The following CDKL3 variants were observed in gnomAD, a reference collection of about 807,000 sequenced individuals.
CDKL3 encodes cyclin dependent kinase like 3.
Under a neutral mutation model 69.3 loss-of-function variants are expected in CDKL3, and 65 were observed. That is an observed-to-expected ratio of 0.94 (90% CI 0.77 to 1.15). CDKL3 has a LOEUF of 1.15. Among genes scored for constraint, CDKL3 ranks in the 50% most tolerant of loss-of-function variants. The pLI, the probability that CDKL3 is intolerant of heterozygous loss-of-function variation, is 0.00. For missense variants in CDKL3, 652 were observed against 689.2 expected (o/e 0.95, Z 0.61); for synonymous variants, 202 against 221.6 (o/e 0.91, Z 0.79).
chr5:134,364,804 C>A (rs904303989), intron 2 of CDKL3, among the ~76,000 whole-genome samples: 1 of 147,700 alleles, frequency 6.8e-6, no homozygotes, highest in African/African-American at 2.5e-5. Context: ...TGAGCCACAG[C>A]GCCCTTTTTT....
downstream of CDKL3, among the ~76,000 whole-genome samples, chr5:134,296,952 CT>C (rs111349325): frequency 0.019 from 2,529 of 131,228 alleles, 11 homozygotes; most frequent in East Asian, 0.038. Flanking sequence ...CTTTTCTTTT[CT>C]TTTTTTTTTT....
intron 4 of CDKL3, among the ~76,000 whole-genome samples, chr5:134,335,817 A>C (rs1776961986): frequency 6.6e-6 from 1 of 152,036 alleles, no homozygotes; most frequent in Admixed American, 6.6e-5. Context: ...TGCTCTTCTC[A>C]AGGAGTATCT....
At chr5:134,348,596 A>G (rs997015320) in intron 4 of CDKL3, among the ~76,000 whole-genome samples, 1 of 152,090 alleles carries the variant, frequency 6.6e-6, no homozygotes, top group Non-Finnish European at 1.5e-5. Flanking sequence ...AAAGAGCTAG[A>G]GAAAGAACTA....
At chr5:134,330,841 C>A (rs1296205148) in intron 4 of CDKL3, among the ~76,000 whole-genome samples, 1 of 152,014 alleles carries the variant, frequency 6.6e-6, no homozygotes, top group African/African-American at 2.4e-5. Flanking sequence ...CCAAAAAAAC[C>A]ATTGCCATGA....
Position 134,308,697 on chromosome 5 carries a change from C to T in CDKL3, c.912G>A (p.Leu304=). 6.2e-7 allele frequency: 1 copy of T among 1,600,040 alleles called. No individual in the cohort carries two copies. Among genetic ancestry groups the T allele is most frequent in the African/African-American group, 1.3e-5 (1 of 74,140 alleles). The change falls in exon 8 of 13, where the codon CTG becomes CTA. Residue 304 remains leucine, a synonymous_variant. Coordinates refer to ENST00000265334, the MANE Select transcript of CDKL3 (RefSeq NM_001113575.2). ...TTAATGAATTGACTTTTGCTTCCTG[C>T]AGTAATTTAGCTTTCAGTTCTGGCA... ...KFMPELKAKL[L]QEAKVNSLIK...
At chr5:134,296,452 G>A (rs1765353685), downstream of CDKL3, among the ~76,000 whole-genome samples, 3 of 152,008 alleles carry the variant, frequency 2.0e-5, 1 homozygote, top group Non-Finnish European at 4.4e-5. Flanking sequence ...TTTATGAGAG[G>A]AACAGAGCAC....
At chr5:134,338,550 G>T (rs1457913436) in intron 4 of CDKL3, among the ~76,000 whole-genome samples, 1 of 151,542 alleles carries the variant, frequency 6.6e-6, no homozygotes, top group Non-Finnish European at 1.5e-5. Context: ...ACAAAAATTA[G>T]CCAGGCTTGG....
intron 8 of CDKL3, among the ~76,000 whole-genome samples, chr5:134,287,157 G>A (rs182802871): frequency 1.1e-4 from 16 of 152,222 alleles, no homozygotes; most frequent in South Asian, 6.2e-4. Flanking sequence ...AAAAGAAGGC[G>A]CGCTTTGAGG....
At chr5:134,322,110 T>A (rs1772950941) in intron 4 of CDKL3, among the ~76,000 whole-genome samples, 1 of 152,024 alleles carries the variant, frequency 6.6e-6, no homozygotes, top group African/African-American at 2.4e-5. Flanking sequence ...AACCTCCGGG[T>A]TCAAGCAATT....
chr5:134,307,867 A>G (rs1410773078), intron 9 of CDKL3: 1 of 374,486 alleles, frequency 2.7e-6, no homozygotes, highest in African/African-American at 2.1e-5. Flanking sequence ...TTTCTCTTCA[A>G]AAATAAAAAC....
At position 134,326,827 on chromosome 5, in the gene CDKL3, A is replaced by ATG. The variant is rs778337033; in HGVS notation, c.540-4925_540-4924insCA. Among the ~76,000 whole-genome samples, 127 of 103,082 alleles carry ATG rather than the reference A, an allele frequency of 1.2e-3. 6 individuals are homozygous for ATG. Among genetic ancestry groups the ATG allele is most frequent in the South Asian group, 7.1e-3 (24 of 3,402 alleles). The allele number at this position is 103,082 out of a possible 152,430, so 67.6% of individuals were successfully genotyped here. ...TATATATATGTGTGTGTATATATAT[A>ATG]TATATATATATATATATATATATAT... On this transcript the variant is annotated intron_variant, in intron 4 of 12. Coordinates refer to ENST00000265334, the MANE Select transcript of CDKL3 (RefSeq NM_001113575.2).
At chr5:134,352,614 TTTTA>T (rs1285520683) in intron 3 of CDKL3, among the ~76,000 whole-genome samples, 2 of 151,996 alleles carry the variant, frequency 1.3e-5, no homozygotes, top group African/African-American at 2.4e-5. Context: ...TTTGCCCATT[TTTTA>T]TTTATTTTTT....
At chr5:134,360,386 G>A (rs1398976619) in intron 2 of CDKL3, among the ~76,000 whole-genome samples, 2 of 151,628 alleles carry the variant, frequency 1.3e-5, no homozygotes, top group Admixed American at 1.3e-4. Context: ...TGTACTTTTA[G>A]TAGAAACAGG....
chr5:134,301,939 C>T (rs1252165210), intron 12 of CDKL3, among the ~76,000 whole-genome samples: 5 of 152,080 alleles, frequency 3.3e-5, no homozygotes, highest in African/African-American at 9.7e-5. Flanking sequence ...GTTGATAAAT[C>T]ACATACAGAG....
rs1162289828 is a variant in CDKL3, at chr5:134,366,939, C to G, written c.-22+38G>C. ...CAAGGTCCTAAAAAAAGCCTGGTCT[C>G]GCCCGCAACTCAAACCACACGTCTT... On this transcript the variant is annotated intron_variant, in intron 1 of 12. Coordinates refer to ENST00000265334, the MANE Select transcript of CDKL3 (RefSeq NM_001113575.2). The G allele has an allele frequency of 5.0e-6, 5 of 990,944 alleles. No homozygotes were observed. The African/African-American group carries it at 8.7e-5, about 17-fold the overall frequency. The allele number at this position is 990,944 out of a possible 1,614,324, so 61.4% of individuals were successfully genotyped here. A position where few individuals can be genotyped will look rare whatever the true frequency, so the allele number is the denominator to read the frequency against.
At chr5:134,371,501 CG>C, upstream of CDKL3, 1 of 1,427,680 alleles carries the variant, frequency 7.0e-7, no homozygotes, top group Non-Finnish European at 9.2e-7. Flanking sequence ...GCGGCGGCGG[CG>C]GCGATCCACA....
At chr5:134,332,462 A>G (rs1041448564) in intron 4 of CDKL3, among the ~76,000 whole-genome samples, 2 of 152,060 alleles carry the variant, frequency 1.3e-5, no homozygotes, top group Non-Finnish European at 2.9e-5. Context: ...TCTTGAGTTA[A>G]TTTTTGTGTA....
At chr5:134,299,280 C>T (rs1561491414) in intron 12 of CDKL3, 1 of 180,820 alleles carries the variant, frequency 5.5e-6, no homozygotes, top group Admixed American at 5.8e-5. Context: ...TTTGTTTGCT[C>T]AGAAATGTTT....
At chr5:134,343,003 A>G (rs1390240449) in intron 4 of CDKL3, among the ~76,000 whole-genome samples, 1 of 152,146 alleles carries the variant, frequency 6.6e-6, no homozygotes. Context: ...CCAGCCATTC[A>G]AGACCAGCCG....
Sources: allele counts gnomAD v4.1 joint callset (sites outside exome capture counted in the v4.1 genomes callset), GRCh38; gene constraint gnomAD v4.1.1; transcripts MANE v1.5; gene names NCBI Gene and HGNC (gene_info 2026-07-23, HGNC 2026-07-21).